BANP: variants seen among roughly 807,000 people sequenced by gnomAD.
BANP encodes BTG3 associated nuclear protein, also known as protein BANP.
In BANP, 11 loss-of-function variants were observed where a neutral mutation model predicts 68.1. The observed-to-expected ratio is 0.16, with a 90% CI of 0.10 to 0.27. The LOEUF (loss-of-function observed/expected upper bound fraction) is 0.27, where lower values mean the gene tolerates loss of function less well. BANP is among the 10% of genes least tolerant of loss of function. BANP has a pLI of 1.00. For missense variants in BANP, 504 were observed against 722.7 expected, an observed-to-expected ratio of 0.70 and a Z score of 3.47; for synonymous variants, 329 against 303.2, an observed-to-expected ratio of 1.09 and a Z score of -0.88.
intron 1 of BANP, among the ~76,000 whole-genome samples, chr16:87,972,950 T>C (rs2061391269): frequency 6.6e-6 from 1 of 152,108 alleles, no homozygotes; most frequent in African/African-American, 2.4e-5. Context: ...GCTGCTGCTC[T>C]CGGCCTGGCT....
At position 88,064,459 on chromosome 16, in the gene BANP, T is replaced by C. The variant is rs2087856962; in HGVS notation, c.1312-808T>C. 3.9e-5 allele frequency among the ~76,000 whole-genome samples: 6 copies of C among 152,060 alleles called. No homozygotes were observed. The highest frequency in any genetic ancestry group is 3.9e-4 in the Admixed American group (6 of 15,278). On this transcript the variant is annotated intron_variant, in intron 11 of 13. Coordinates refer to ENST00000682872, the MANE Select transcript of BANP (RefSeq NM_001386991.1). This position sits in a 1 kb window ranked among gnomAD's most constrained non-coding sequence, Gnocchi z 4.5. ...ATTCACTTAGGGTCCAAGAAATGAG[T>C]GGGCCTTGAATGAGCAAAACAACCC...
At chr16:87,994,142 G>A (rs570654760) in intron 4 of BANP, among the ~76,000 whole-genome samples, 18 of 152,282 alleles carry the variant, frequency 1.2e-4, no homozygotes, top group Admixed American at 2.6e-4. Context: ...CTGAACATGC[G>A]AAGGGCCCTG....
intron 1 of BANP, among the ~76,000 whole-genome samples, chr16:87,961,411 C>CCCCG (rs1555533475): frequency 7.1e-6 from 1 of 141,534 alleles, no homozygotes; most frequent in Non-Finnish European, 1.6e-5. Flanking sequence ...GAATCTGCAC[C>CCCCG]CCCCCGGGCC....
At chr16:87,951,409 G>A (rs1214499615), upstream of BANP, 1 of 151,534 alleles carries the variant, frequency 6.6e-6, no homozygotes, top group Non-Finnish European at 1.5e-5. Flanking sequence ...CGAGCGTCGC[G>A]GGGAGGGGCT....
At chr16:87,961,414 C>CTG (rs1555533496) in intron 1 of BANP, among the ~76,000 whole-genome samples, 1 of 142,380 alleles carries the variant, frequency 7.0e-6, no homozygotes, top group Admixed American at 7.0e-5. Context: ...TCTGCACCCC[C>CTG]CCGGGCCTCC....
At chr16:88,017,624 G>A (rs2074890572) in intron 6 of BANP, among the ~76,000 whole-genome samples, 1 of 152,216 alleles carries the variant, frequency 6.6e-6, no homozygotes, top group Non-Finnish European at 1.5e-5. Flanking sequence ...GAGGGAGGCG[G>A]AGAGGTGTGG....
intron 7 of BANP, among the ~76,000 whole-genome samples, chr16:88,022,278 C>A (rs1332527007): frequency 6.6e-6 from 1 of 152,118 alleles, no homozygotes; most frequent in Admixed American, 6.6e-5. Flanking sequence ...AGCCGGTGAC[C>A]CCGGATCTGA....
chr16:88,071,706 T>A lies in BANP; in HGVS notation c.1378-363T>A, dbSNP rs1286738225. On this transcript the variant is annotated intron_variant, in intron 12 of 13. Transcript: ENST00000682872. This position sits in a 1 kb window ranked among gnomAD's most constrained non-coding sequence, Gnocchi z 6.5. ...AGTGGCACTCTGGGAGCGCTTGTGC[T>A]CTTCATGGTTGCCACTGGGATTTTC... is the stretch of plus-strand genomic sequence containing the variant. The A allele has an allele frequency of 2.0e-6, 1 of 507,824 alleles. No individual in the cohort carries two copies. Among genetic ancestry groups the A allele is most frequent in the African/African-American group, 1.9e-5 (1 of 52,078 alleles). 31.5% of individuals were successfully genotyped at this position (507,824 alleles called of 1,614,324 possible).
At chr16:87,951,202 C>T (rs1194409242), upstream of BANP, among the ~76,000 whole-genome samples, 1 of 152,252 alleles carries the variant, frequency 6.6e-6, no homozygotes, top group African/African-American at 2.4e-5. Context: ...GGTGATTGTT[C>T]TCACGCAGGC....
chr16:87,951,652 C>T (rs2056881068), intron 1 of BANP, 137 bp downstream of exon 1: 1 of 148,708 alleles, frequency 6.7e-6, no homozygotes, highest in African/African-American at 2.4e-5. Context: ...CCGCCAACCG[C>T]CCGGGCCGGG....
At chr16:87,964,792 G>A (rs2059757952) in intron 1 of BANP, among the ~76,000 whole-genome samples, 1 of 152,222 alleles carries the variant, frequency 6.6e-6, no homozygotes. Flanking sequence ...CAGGGTGAAG[G>A]AGAGGAGAAC....
At chr16:87,956,280 G>A (rs1309190742) in intron 1 of BANP, among the ~76,000 whole-genome samples, 1 of 152,208 alleles carries the variant, frequency 6.6e-6, no homozygotes, top group Non-Finnish European at 1.5e-5. Context: ...CATTTTGAAG[G>A]AAAGACTTCT....
chr16:88,074,244 A>G (rs1246896180), intron 13 of BANP, among the ~76,000 whole-genome samples: 1 of 152,180 alleles, frequency 6.6e-6, no homozygotes, highest in Non-Finnish European at 1.5e-5. Flanking sequence ...ATGGTCTTGC[A>G]TCTTGCATGG....
At chr16:88,073,984 C>A (rs4075597) in intron 13 of BANP, among the ~76,000 whole-genome samples, 32,041 of 152,182 alleles carry the variant, frequency 0.21, 3,714 homozygotes, top group South Asian at 0.27. Flanking sequence ...AAAACCCCAG[C>A]GTGGTTGGAC....
At position 88,003,382 on chromosome 16, in the gene BANP, C is replaced by G. The variant is rs939287243; in HGVS notation, c.363-913C>G. The G allele has an allele frequency of 4.4e-6, 2 of 452,764 alleles. No homozygotes were observed. Among genetic ancestry groups the G allele is most frequent in the African/African-American group, 2.0e-5 (1 of 50,098 alleles). The allele number at this position is 452,764 out of a possible 1,614,324, so 28.0% of individuals were successfully genotyped here. On this transcript the variant is annotated intron_variant, in intron 4 of 13. Transcript: ENST00000682872. The surrounding 1 kb of genome is among the most constrained non-coding windows in gnomAD (Gnocchi z 6.1). ...TATGTGCAGATCACAGAAAGGCAGG[C>G]TTCCCAGGTTGGTTTTTGGAGAGTG...
At chr16:87,975,416 G>A (rs1347675784) in intron 2 of BANP, among the ~76,000 whole-genome samples, 1 of 152,152 alleles carries the variant, frequency 6.6e-6, no homozygotes, top group Non-Finnish European at 1.5e-5. Flanking sequence ...TTGTCTCGAG[G>A]GCCATCCCTG....
rs148267118 is a variant in BANP, at chr16:88,076,663, C to T, written c.*2C>T. The T allele has an allele frequency of 9.3e-6, 15 of 1,606,598 alleles. No individual in the cohort carries two copies. The East Asian group carries it at 2.5e-4, about 26-fold the overall frequency. ...CACGGGGCCATCCAGATTCAGTGAG[C>T]GGTGCCCATGGCACCAGGAGCCCCT... is the stretch of plus-strand genomic sequence containing the variant. On this transcript the variant is annotated 3_prime_UTR_variant, in exon 14 of 14. Transcript: ENST00000682872.
intron 4 of BANP, among the ~76,000 whole-genome samples, chr16:87,989,996 G>T (rs985216188): frequency 1.3e-5 from 2 of 152,170 alleles, no homozygotes; most frequent in African/African-American, 2.4e-5. Context: ...ACACAGGGCA[G>T]GTGACAGGGC....
At chr16:88,006,641 C>G (rs1223005709) in intron 6 of BANP, among the ~76,000 whole-genome samples, 2 of 135,318 alleles carry the variant, frequency 1.5e-5, no homozygotes, top group African/African-American at 5.6e-5. Context: ...GAAACTCCAT[C>G]TCAAAAAAAA....
Sources: gnomAD v4.1 joint callset for allele counts (sites outside exome capture counted in the v4.1 genomes callset) on GRCh38, gnomAD v4.1.1 for gene constraint, Gnocchi (gnomAD v3.1) non-coding constraint, MANE v1.5 for transcripts, NCBI Gene and HGNC (gene_info 2026-07-23, HGNC 2026-07-21) for gene names.